CSGALNACT1: variants seen among roughly 807,000 people sequenced by gnomAD.
CSGALNACT1 encodes beta4GalNAcT-1.
A neutral mutation model predicts 51.0 loss-of-function variants in CSGALNACT1; 52 were observed. That is an observed-to-expected ratio of 1.02 (90% confidence interval 0.82 to 1.29). The LOEUF (loss-of-function observed/expected upper bound fraction) is 1.29, where lower values mean the gene tolerates loss of function less well. Among genes scored for constraint, CSGALNACT1 ranks in the 50% most tolerant of loss-of-function variants. The pLI, the probability that CSGALNACT1 is intolerant of heterozygous loss-of-function variation, is 0.00. For missense variants in CSGALNACT1, 935 were observed against 679.2 expected, an observed-to-expected ratio of 1.38 and a Z score of -4.19; for synonymous variants, 341 against 254.4, an observed-to-expected ratio of 1.34 and a Z score of -3.24.
chr8:19,408,367 C>G (rs1176048811), intron 9 of CSGALNACT1, among the ~76,000 whole-genome samples: 1 of 151,272 alleles, frequency 6.6e-6, no homozygotes, highest in Non-Finnish European at 1.5e-5. Context: ...CTATGTTGTC[C>G]AAGTTGGTCT....
chr8:19,541,402 C>T (rs1053155848), intron 3 of CSGALNACT1, among the ~76,000 whole-genome samples: 1 of 151,558 alleles, frequency 6.6e-6, no homozygotes, highest in African/African-American at 2.4e-5. Flanking sequence ...AGGCACTTGC[C>T]ACCACACCCG....
At chr8:19,710,735 A>T (rs1477127866) in intron 1 of CSGALNACT1, among the ~76,000 whole-genome samples, 1 of 152,202 alleles carries the variant, frequency 6.6e-6, no homozygotes, top group Admixed American at 6.5e-5. Flanking sequence ...TAGAAACCCT[A>T]TAATTACTTC....
chr8:19,559,850 TA>T (rs770164304), intron 3 of CSGALNACT1, among the ~76,000 whole-genome samples: 61 of 152,270 alleles, frequency 4.0e-4, no homozygotes, highest in Middle Eastern at 3.4e-3. Context: ...ACAATGCCAA[TA>T]AAAACCCCAA....
At chr8:19,489,534 A>G (rs1181375917) in intron 4 of CSGALNACT1, among the ~76,000 whole-genome samples, 4 of 152,184 alleles carry the variant, frequency 2.6e-5, no homozygotes, top group Admixed American at 6.5e-5. Flanking sequence ...TTCATTCAAC[A>G]AACATTTAAT....
chr8:19,559,078 A>G (rs944174283), intron 3 of CSGALNACT1, among the ~76,000 whole-genome samples: 5 of 152,160 alleles, frequency 3.3e-5, no homozygotes, highest in Admixed American at 6.5e-5. Flanking sequence ...TTCCTCAGGG[A>G]ACTTCAGAAT....
At chr8:19,620,580 C>A (rs2053690312) in intron 1 of CSGALNACT1, among the ~76,000 whole-genome samples, 1 of 151,862 alleles carries the variant, frequency 6.6e-6, no homozygotes, top group South Asian at 2.1e-4. Flanking sequence ...CTACAGCATC[C>A]ACCACCAGGC....
intron 1 of CSGALNACT1, among the ~76,000 whole-genome samples, chr8:19,712,990 T>C (rs1341472432): frequency 6.6e-6 from 1 of 152,110 alleles, no homozygotes; most frequent in East Asian, 1.9e-4. Context: ...AACGAAAAAA[T>C]ACTATTTTCA....
chr8:19,552,367 A>G (rs1196315396), intron 3 of CSGALNACT1, among the ~76,000 whole-genome samples: 3 of 152,130 alleles, frequency 2.0e-5, no homozygotes, highest in Admixed American at 2.0e-4. Flanking sequence ...CTGGAATAAT[A>G]TTAAAAGTGA....
intron 1 of CSGALNACT1, among the ~76,000 whole-genome samples, chr8:19,713,713 C>G (rs1032743824): frequency 1.3e-5 from 2 of 152,088 alleles, no homozygotes; most frequent in Admixed American, 1.3e-4. Context: ...AAGGAAGGAC[C>G]CCCTATGGGT....
intron 1 of CSGALNACT1, among the ~76,000 whole-genome samples, chr8:19,661,622 T>A (rs575660268): frequency 6.6e-6 from 1 of 152,178 alleles, no homozygotes; most frequent in East Asian, 1.9e-4. Context: ...GGACATAGGA[T>A]AGCCATCCCA....
At chr8:19,600,532 T>C (rs768188506) in intron 2 of CSGALNACT1, among the ~76,000 whole-genome samples, 22 of 152,188 alleles carry the variant, frequency 1.4e-4, no homozygotes, top group African/African-American at 4.1e-4. Context: ...AGGCCCAAGA[T>C]TAGGACAGTT....
chr8:19,698,717 C>T (rs536299471), intron 1 of CSGALNACT1, among the ~76,000 whole-genome samples: 5 of 152,076 alleles, frequency 3.3e-5, no homozygotes, highest in African/African-American at 9.6e-5. Context: ...TGTGAATCAC[C>T]GGTAGGAATG....
intron 1 of CSGALNACT1, among the ~76,000 whole-genome samples, chr8:19,691,685 C>A (rs563773676): frequency 6.6e-6 from 1 of 152,180 alleles, no homozygotes; most frequent in Non-Finnish European, 1.5e-5. Context: ...AGCCTTGTGG[C>A]TGTGAACTAG....
rs1564386250 is a variant in CSGALNACT1, at chr8:19,667,013, AAGAAAGGAAGGAAGGAAGG to A, written c.-544+15441_-544+15459del. Among the ~76,000 whole-genome samples the A allele has an allele frequency of 5.2e-4, 21 of 40,590 alleles. 1 individual carries two copies. Among genetic ancestry groups the A allele is most frequent in the African/African-American group, 2.0e-3 (13 of 6,666 alleles). 26.6% of individuals were successfully genotyped at this position (40,590 alleles called of 152,430 possible). On this transcript the variant is annotated intron_variant, in intron 1 of 9. Transcript: ENST00000332246. ...AAAGAAAGAAAGAAAGAAAGAAAGA[AAGAAAGGAAGGAAGGAAGG>A]AAGGAAGGAAGAAAGAAAGAAAGAA...
At chr8:19,571,306 G>A (rs1335196122) in intron 3 of CSGALNACT1, among the ~76,000 whole-genome samples, 1 of 152,066 alleles carries the variant, frequency 6.6e-6, no homozygotes, top group Non-Finnish European at 1.5e-5. Flanking sequence ...TGACAAACCT[G>A]CTATCCTACA....
chr8:19,541,825 C>T (rs1307520601), intron 3 of CSGALNACT1, among the ~76,000 whole-genome samples: 1 of 151,854 alleles, frequency 6.6e-6, no homozygotes, highest in Non-Finnish European at 1.5e-5. Flanking sequence ...TTTCTATTTT[C>T]CTATTCTTAA....
At position 19,674,234 on chromosome 8, in the gene CSGALNACT1, A is replaced by T. The variant is rs542349220; in HGVS notation, c.-544+8239T>A. Among the ~76,000 whole-genome samples the T allele has an allele frequency of 1.4e-3, 210 of 152,320 alleles. 1 individual carries two copies. Among genetic ancestry groups the T allele is most frequent in the African/African-American group, 4.6e-3 (192 of 41,570 alleles). On this transcript the variant is annotated intron_variant, in intron 1 of 9. Transcript: ENST00000332246. ...TTCGAACCTGGGAGGTGGAGGTTGC[A>T]GTGAGCTAAGACAGTGCCACTGCGC...
intron 3 of CSGALNACT1, among the ~76,000 whole-genome samples, chr8:19,565,661 G>T (rs541730443): frequency 6.6e-6 from 1 of 152,324 alleles, no homozygotes; most frequent in East Asian, 1.9e-4. Context: ...GCTCACACCT[G>T]TAATCCCAGC....
intron 2 of CSGALNACT1, among the ~76,000 whole-genome samples, chr8:19,597,404 T>C (rs1205517801): frequency 7.0e-6 from 1 of 143,672 alleles, no homozygotes; most frequent in African/African-American, 2.6e-5. Context: ...CAAGCAATCC[T>C]CCCGCCTTTG....
Sources: allele counts gnomAD v4.1 joint callset (sites outside exome capture counted in the v4.1 genomes callset), GRCh38; gene constraint gnomAD v4.1.1; transcripts MANE v1.5; gene names NCBI Gene and HGNC (gene_info 2026-07-23, HGNC 2026-07-21).